Variants in DCAF8L2 observed in about 807,000 individuals in gnomAD.
The protein encoded by DCAF8L2 is DDB1 and CUL4 associated factor 8 like 2.
For synonymous variants in DCAF8L2, 200 were observed against 190.9 expected, an observed-to-expected ratio of 1.05 and a Z score of -0.39; for missense variants, 430 against 490.7, an observed-to-expected ratio of 0.88 and a Z score of 1.17.
the DCAF8L2 span, among the ~76,000 whole-genome samples, chrX:27,558,319 G>T: frequency 4.5e-5 from 5 of 111,651 alleles, no homozygotes; most frequent in Admixed American, 4.8e-4. Flanking sequence ...GGCTCCTTTT[G>T]TATGCAATTG....
chrX:27,672,292 C>A (rs1272249660), intron 2 of DCAF8L2, among the ~76,000 whole-genome samples: 1 of 111,536 alleles, frequency 9.0e-6, no homozygotes, highest in Non-Finnish European at 1.9e-5. Context: ...GCACAGGGCC[C>A]GGGCCATTTG....
rs1198751109 is a variant in DCAF8L2, at chrX:27,728,979, C to T, written c.-59+12808C>T. 2.7e-5 allele frequency among the ~76,000 whole-genome samples: 3 copies of T among 111,758 alleles called. No individual in the cohort carries two copies. The Admixed American group carries it at 2.9e-4, about 11-fold the overall frequency. On this transcript the variant is annotated intron_variant, in intron 4 of 4. Coordinates refer to ENST00000451261, the MANE Select transcript of DCAF8L2 (RefSeq NM_001353450.2). ...TTAGTAAGGATTCATTAAATATCTT[C>T]TCAAGTGAATTTTTTTAAGAGGAAA...
intron 2 of DCAF8L2, among the ~76,000 whole-genome samples, chrX:27,651,765 CTCCCAAAA>C: frequency 9.0e-6 from 1 of 110,503 alleles, no homozygotes; most frequent in South Asian, 3.8e-4. Context: ...CCGCCTCCGC[CTCCCAAAA>C]TGCTGGGATT....
chrX:27,704,626 A>G (rs1931281002), intron 3 of DCAF8L2, among the ~76,000 whole-genome samples: 2 of 110,309 alleles, frequency 1.8e-5, no homozygotes, highest in Admixed American at 1.9e-4. Context: ...ATTTTATTGT[A>G]TACTGAAAAT....
At chrX:27,697,076 ACCTAAC>A (rs780010583) in intron 3 of DCAF8L2, among the ~76,000 whole-genome samples, 1 of 111,319 alleles carries the variant, frequency 9.0e-6, no homozygotes, top group African/African-American at 3.3e-5. Flanking sequence ...TTTTAACCTG[ACCTAAC>A]CCCTGGTACT....
chrX:27,585,855 CAGTA>C (rs1322233157), upstream of DCAF8L2, among the ~76,000 whole-genome samples: 2 of 111,606 alleles, frequency 1.8e-5, no homozygotes, highest in African/African-American at 3.3e-5. Context: ...AGTGAACTCT[CAGTA>C]AGAAAACCTC....
At chrX:27,639,241 A>T (rs955668908) in intron 2 of DCAF8L2, among the ~76,000 whole-genome samples, 1 of 111,853 alleles carries the variant, frequency 8.9e-6, no homozygotes, top group Non-Finnish European at 1.9e-5. Flanking sequence ...CATCAAAACA[A>T]CTGAACTCAT....
chrX:27,477,949 G>C, the DCAF8L2 span, among the ~76,000 whole-genome samples: 1 of 111,259 alleles, frequency 9.0e-6, no homozygotes, highest in African/African-American at 3.3e-5. Flanking sequence ...CATCAAGTAG[G>C]GATATGTGGT....
At chrX:27,512,779 CAAAAAAAAAAAAAAA>C in the DCAF8L2 span, among the ~76,000 whole-genome samples, 67 of 18,550 alleles carry the variant, frequency 3.6e-3, no homozygotes, top group Admixed American at 0.013. Flanking sequence ...CAATCTTGAG[CAAAAAAAAAAAAAAA>C]AAAAAAAAAA....
chrX:27,599,923 C>G (rs755376412), intron 1 of DCAF8L2, among the ~76,000 whole-genome samples: 114 of 111,761 alleles, frequency 1.0e-3, no homozygotes, highest in Non-Finnish European at 1.9e-3. Context: ...AACTAAAGAT[C>G]CCTTATAATA....
At chrX:27,558,936 A>G in the DCAF8L2 span, among the ~76,000 whole-genome samples, 1 of 110,520 alleles carries the variant, frequency 9.0e-6, no homozygotes, top group African/African-American at 3.3e-5. Context: ...CAAGGGCCTG[A>G]TATGGTTTGG....
chrX:27,517,960 C>T, the DCAF8L2 span: 1 of 1,195,193 alleles, frequency 8.4e-7, no homozygotes, highest in Non-Finnish European at 1.1e-6. Flanking sequence ...TTTTTTTGGG[C>T]TGCAGTATGT....
chrX:27,537,152 G>A, the DCAF8L2 span, among the ~76,000 whole-genome samples: 6 of 111,851 alleles, frequency 5.4e-5, no homozygotes, highest in African/African-American at 1.9e-4. Flanking sequence ...TACAGTAAGA[G>A]CAACAACATG....
the DCAF8L2 span, among the ~76,000 whole-genome samples, chrX:27,539,403 C>G: frequency 9.0e-6 from 1 of 110,701 alleles, no homozygotes; most frequent in African/African-American, 3.3e-5. Context: ...TAATTCAGTA[C>G]AAGCAGAGAG....
the DCAF8L2 span, among the ~76,000 whole-genome samples, chrX:27,516,803 C>G: frequency 8.9e-6 from 1 of 111,949 alleles, no homozygotes; most frequent in Non-Finnish European, 1.9e-5. Flanking sequence ...TTGTCATCCC[C>G]TCCTCAGGAC....
chrX:27,692,445 A>G (rs1263077681), intron 3 of DCAF8L2, among the ~76,000 whole-genome samples: 2 of 112,006 alleles, frequency 1.8e-5, no homozygotes, highest in Admixed American at 9.5e-5. Context: ...TTAAGTGCCT[A>G]AACAATGTGT....
the DCAF8L2 span, among the ~76,000 whole-genome samples, chrX:27,533,737 A>G: frequency 8.9e-6 from 1 of 112,544 alleles, no homozygotes; most frequent in African/African-American, 3.2e-5. Context: ...AAAAATATCA[A>G]CATACTTAAA....
intron 3 of DCAF8L2, among the ~76,000 whole-genome samples, chrX:27,699,372 C>T (rs912800558): frequency 9.0e-6 from 1 of 111,705 alleles, no homozygotes; most frequent in Non-Finnish European, 1.9e-5. Context: ...ATAATACAGT[C>T]AGCAAGGGAG....
Position 27,747,708 on chromosome X carries a change from A to G in DCAF8L2, c.813A>G (p.Thr271=). 2 of 1,211,005 alleles carry G rather than the reference A, an allele frequency of 1.7e-6. No individual in the cohort carries two copies. The highest frequency in any genetic ancestry group is 2.2e-6 in the Non-Finnish European group (2 of 894,989). Residue 271 remains threonine, a synonymous_variant, in exon 5 of 5, where the codon ACA becomes ACG. Transcript: ENST00000451261. ...TACTGAACTTTGAAAGTGGTCACAC[A>G]AATAATGTCTTCCAGGCCAAGTTCC... is the stretch of plus-strand genomic sequence containing the variant. The part of the protein sequence containing the change: ...RPVLNFESGH[T]NNVFQAKFLP...
Sources: allele counts gnomAD v4.1 joint callset (sites outside exome capture counted in the v4.1 genomes callset), GRCh38; gene constraint gnomAD v4.1.1; transcripts MANE v1.5; gene names NCBI Gene and HGNC (gene_info 2026-07-23, HGNC 2026-07-21).